RALGAPA2: variants seen among roughly 807,000 people sequenced by gnomAD.
RALGAPA2 encodes the protein Ral GTPase activating protein catalytic subunit alpha 2.
A neutral mutation model predicts 230.4 loss-of-function variants in RALGAPA2; 139 were observed. That is an observed-to-expected ratio of 0.60 (90% CI 0.53 to 0.69). RALGAPA2 has a LOEUF of 0.69. RALGAPA2 is among the 30% of genes least tolerant of loss of function. The probability of loss-of-function intolerance (pLI) is 0.00; values close to 1 mark genes in which losing one functional copy is unlikely to be tolerated. For synonymous variants in RALGAPA2, 847 were observed against 837.8 expected, an observed-to-expected ratio of 1.01 and a Z score of -0.19; for missense variants, 2,163 against 2,276.0, an observed-to-expected ratio of 0.95 and a Z score of 1.01.
chr20:20,587,068 G>T (rs2065154272), intron 18 of RALGAPA2, among the ~76,000 whole-genome samples: 1 of 152,190 alleles, frequency 6.6e-6, no homozygotes, highest in East Asian at 1.9e-4. Flanking sequence ...CAGATGCATG[G>T]CACATAGCAT....
At chr20:20,612,656 C>A (rs2066010334) in intron 13 of RALGAPA2, among the ~76,000 whole-genome samples, 1 of 152,102 alleles carries the variant, frequency 6.6e-6, no homozygotes, top group Non-Finnish European at 1.5e-5. Context: ...TATTCCTATT[C>A]CCTGCCTACG....
At chr20:20,628,504 C>T (rs1390024995) in intron 10 of RALGAPA2, among the ~76,000 whole-genome samples, 3 of 152,204 alleles carry the variant, frequency 2.0e-5, no homozygotes, top group Non-Finnish European at 4.4e-5. Context: ...CCTGTGGGAG[C>T]TCTGTTTGCT....
chr20:20,699,388 C>T (rs985441180), intron 1 of RALGAPA2, among the ~76,000 whole-genome samples: 1 of 152,172 alleles, frequency 6.6e-6, no homozygotes, highest in Non-Finnish European at 1.5e-5. Context: ...TCAGCATAAG[C>T]TATACCACGT....
intron 16 of RALGAPA2, among the ~76,000 whole-genome samples, chr20:20,594,276 A>G (rs2065381545): frequency 6.6e-6 from 1 of 152,216 alleles, no homozygotes. Context: ...CATGAATGAC[A>G]GAAACAATTT....
Position 20,512,521 on chromosome 20 carries a change from C to A in RALGAPA2, c.4848G>T (p.Trp1616Cys), listed in dbSNP as rs1808141002. The change falls in exon 32 of 40, where the codon TGG becomes TGT. Residue 1616 changes from tryptophan (W) to cysteine (C), a missense_variant. Trp to Cys is a radical substitution (Grantham distance 215, BLOSUM62 -2). Coordinates refer to ENST00000202677, the MANE Select transcript of RALGAPA2 (RefSeq NM_020343.4). ...CTAGCTTGGATTGTTACCTTCTGTCCCAAGAATTCATTCCCAAGTCATCAA... is the reference window on the plus strand; with the variant it reads ...CTAGCTTGGATTGTTACCTTCTGTCACAAGAATTCATTCCCAAGTCATCAA... ...LLLDDLGMNS[W>C]DRRKNFHLLK... The A allele has an allele frequency of 6.3e-7, 1 of 1,599,224 alleles. No homozygotes were observed. Among genetic ancestry groups the A allele is most frequent in the South Asian group, 1.1e-5 (1 of 87,766 alleles).
chr20:20,566,924 T>G (rs934758207), intron 23 of RALGAPA2, among the ~76,000 whole-genome samples: 11 of 152,252 alleles, frequency 7.2e-5, no homozygotes, highest in Non-Finnish European at 1.3e-4. Flanking sequence ...AGAGGCCTCA[T>G]GCTTTTTTGG....
chr20:20,572,835 T>A (rs2064690119), intron 21 of RALGAPA2, 40 bp downstream of exon 21: 1 of 1,401,496 alleles, frequency 7.1e-7, no homozygotes. Flanking sequence ...ATAAGACCAT[T>A]TTCCTGGATT....
intron 37 of RALGAPA2, among the ~76,000 whole-genome samples, chr20:20,418,903 T>C (rs2060220574): frequency 6.6e-6 from 1 of 152,090 alleles, no homozygotes; most frequent in African/African-American, 2.4e-5. Context: ...CATGCCTGGC[T>C]AATTTTTAAA....
intron 23 of RALGAPA2, among the ~76,000 whole-genome samples, chr20:20,551,968 A>G (rs1364367442): frequency 6.6e-6 from 1 of 152,214 alleles, no homozygotes; most frequent in Non-Finnish European, 1.5e-5. Flanking sequence ...GGAAAATAAA[A>G]AAGGGCGATT....
At chr20:20,540,778 T>C (rs1602709494) in intron 24 of RALGAPA2, among the ~76,000 whole-genome samples, 1 of 151,952 alleles carries the variant, frequency 6.6e-6, no homozygotes, top group East Asian at 1.9e-4. Context: ...GTATAATTAA[T>C]AAAAATTTAT....
intron 30 of RALGAPA2, among the ~76,000 whole-genome samples, chr20:20,523,663 G>A (rs1362304206): frequency 1.3e-5 from 2 of 152,108 alleles, no homozygotes; most frequent in Non-Finnish European, 2.9e-5. Flanking sequence ...TTACGTGAAT[G>A]TATTAAATTA....
intron 23 of RALGAPA2, among the ~76,000 whole-genome samples, chr20:20,557,913 GA>G (rs1213498102): frequency 6.6e-6 from 1 of 152,184 alleles, no homozygotes; most frequent in Admixed American, 6.5e-5. Flanking sequence ...TTCCTTACAG[GA>G]AGGGAAAATG....
intron 23 of RALGAPA2, among the ~76,000 whole-genome samples, chr20:20,566,989 A>G (rs1328579241): frequency 6.6e-6 from 1 of 152,230 alleles, no homozygotes; most frequent in Non-Finnish European, 1.5e-5. Context: ...ACATTTCCCA[A>G]AATGTCTATA....
At chr20:20,402,448 C>T (rs6112890) in intron 38 of RALGAPA2, among the ~76,000 whole-genome samples, 8,599 of 152,258 alleles carry the variant, frequency 0.056, 641 homozygotes, top group African/African-American at 0.17. Context: ...CACGCACACG[C>T]GTGCTCATGA....
At chr20:20,475,208 G>A (rs1382488446) in intron 36 of RALGAPA2, among the ~76,000 whole-genome samples, 1 of 152,118 alleles carries the variant, frequency 6.6e-6, no homozygotes, top group Non-Finnish European at 1.5e-5. Flanking sequence ...TGGTGAAGGT[G>A]CTTGGGATAC....
chr20:20,633,669 G>A (rs971636164), intron 9 of RALGAPA2, among the ~76,000 whole-genome samples: 4 of 151,944 alleles, frequency 2.6e-5, no homozygotes, highest in Non-Finnish European at 5.9e-5. Context: ...TACTAGAGAT[G>A]GGGTTTCACC....
intron 1 of RALGAPA2, among the ~76,000 whole-genome samples, chr20:20,696,964 G>A (rs191237283): frequency 2.2e-3 from 330 of 152,156 alleles, no homozygotes; most frequent in Admixed American, 4.8e-3. Flanking sequence ...TTGAACTCCT[G>A]GCCTCAAGCA....
chr20:20,704,812 G>A (rs141174523), intron 1 of RALGAPA2, among the ~76,000 whole-genome samples: 308 of 152,276 alleles, frequency 2.0e-3, no homozygotes, highest in Middle Eastern at 3.4e-3. Flanking sequence ...TACGCCACAG[G>A]ATAAAAGCCA....
intron 24 of RALGAPA2, among the ~76,000 whole-genome samples, chr20:20,537,308 T>G (rs1035010794): frequency 6.6e-6 from 1 of 152,050 alleles, no homozygotes. Context: ...TTGCCCAGTG[T>G]TAGGATTAGG....
Sources: allele counts gnomAD v4.1 joint callset (sites outside exome capture counted in the v4.1 genomes callset), GRCh38; gene constraint gnomAD v4.1.1; transcripts MANE v1.5; gene names NCBI Gene and HGNC (gene_info 2026-07-23, HGNC 2026-07-21).